The following AGBL4 variants were observed in gnomAD, a reference collection of about 807,000 sequenced individuals.
AGBL4 encodes cytosolic carboxypeptidase 6.
In AGBL4, 58 loss-of-function variants were observed where a neutral mutation model predicts 66.4. That is an observed-to-expected ratio of 0.87 (90% CI 0.71 to 1.09). The LOEUF is 1.09. Ranked by LOEUF, AGBL4 falls within the 50% of genes least tolerant of loss-of-function variation. AGBL4 has a pLI of 0.00. For missense variants in AGBL4, 579 were observed against 631.0 expected (o/e 0.92, Z 0.88); for synonymous variants, 234 against 222.9 (o/e 1.05, Z -0.44).
intron 5 of AGBL4, among the ~76,000 whole-genome samples, chr1:48,933,115 T>G (rs1571033656): frequency 1.3e-5 from 2 of 152,326 alleles, no homozygotes; most frequent in East Asian, 3.9e-4. Context: ...CAGTTCTCCT[T>G]TCTATAAAAT....
At chr1:48,673,471 T>C (rs1024518095) in intron 6 of AGBL4, among the ~76,000 whole-genome samples, 2 of 152,232 alleles carry the variant, frequency 1.3e-5, no homozygotes, top group Non-Finnish European at 2.9e-5. Context: ...TGTATAAAAA[T>C]ACCACTTTCA....
intron 4 of AGBL4, among the ~76,000 whole-genome samples, chr1:49,136,161 A>G (rs535142960): frequency 1.3e-5 from 2 of 152,302 alleles, no homozygotes; most frequent in South Asian, 4.1e-4. Context: ...TGAGCTGCAC[A>G]TGGAAAACAC....
rs60965691 is a variant in AGBL4 at position 49,714,569 on chromosome 1, C to CATATATATATATATAT, written c.158-17148_158-17133dup. Among the ~76,000 whole-genome samples the CATATATATATATATAT allele has an allele frequency of 4.2e-3, 602 of 141,750 alleles. 9 individuals carry two copies. The highest frequency in any genetic ancestry group is 0.015 in the African/African-American group (550 of 36,914). The allele number at this position is 141,750 out of a possible 152,430, so 93.0% of individuals were successfully genotyped here. A position where few individuals can be genotyped will look rare whatever the true frequency, so the allele number is the denominator to read the frequency against. ...GTTTGTTATAGTTGAGTAGTATTTA[C>CATATATATATATATAT]ATATATATATATATATATATATATA... is the stretch of plus-strand genomic sequence containing the variant. On this transcript the variant is annotated intron_variant, in intron 2 of 13. Transcript: ENST00000371839.
chr1:49,451,666 G>A (rs959325314), intron 3 of AGBL4, among the ~76,000 whole-genome samples: 2 of 152,066 alleles, frequency 1.3e-5, no homozygotes, highest in Admixed American at 6.6e-5. Flanking sequence ...TAAAACATGT[G>A]TAACCCTTTA....
intron 3 of AGBL4, among the ~76,000 whole-genome samples, chr1:49,345,401 A>C (rs1645616882): frequency 6.6e-6 from 1 of 152,124 alleles, no homozygotes; most frequent in African/African-American, 2.4e-5. Flanking sequence ...TCATCTTTAA[A>C]GGGCAGTTTA....
chr1:49,379,632 A>G (rs1644550263), intron 3 of AGBL4, among the ~76,000 whole-genome samples: 1 of 152,122 alleles, frequency 6.6e-6, no homozygotes, highest in Non-Finnish European at 1.5e-5. Flanking sequence ...ATCTATTGAG[A>G]TAATCATGTG....
intron 6 of AGBL4, among the ~76,000 whole-genome samples, chr1:48,847,150 A>G (rs1646937485): frequency 6.6e-6 from 1 of 151,852 alleles, no homozygotes; most frequent in Non-Finnish European, 1.5e-5. Flanking sequence ...AAAATACAAA[A>G]TTAGCCAGGC....
chr1:49,071,942 T>C (rs1199307073), intron 4 of AGBL4, among the ~76,000 whole-genome samples: 2 of 152,120 alleles, frequency 1.3e-5, no homozygotes, highest in African/African-American at 4.8e-5. Context: ...ATTGGGTGCA[T>C]ATATATTCAG....
At chr1:48,646,321 CTGTGGATCTT>C (rs1645834164) in intron 8 of AGBL4, among the ~76,000 whole-genome samples, 1 of 152,108 alleles carries the variant, frequency 6.6e-6, no homozygotes, top group Admixed American at 6.5e-5. Flanking sequence ...GCAATACTTG[CTGTGGATCTT>C]TGTTTTCTGT....
At chr1:49,778,259 G>T (rs959785898) in intron 2 of AGBL4, among the ~76,000 whole-genome samples, 2 of 152,092 alleles carry the variant, frequency 1.3e-5, no homozygotes, top group Non-Finnish European at 2.9e-5. Flanking sequence ...ACTAGGTGCT[G>T]CCATCTCCAA....
intron 2 of AGBL4, among the ~76,000 whole-genome samples, chr1:49,825,863 A>C (rs1645495986): frequency 6.6e-6 from 1 of 151,992 alleles, no homozygotes; most frequent in African/African-American, 2.4e-5. Context: ...ATACACACAC[A>C]CACACACACA....
chr1:48,538,978 C>T (rs2148259210), intron 12 of AGBL4, among the ~76,000 whole-genome samples: 1 of 152,250 alleles, frequency 6.6e-6, no homozygotes, highest in African/African-American at 2.4e-5. Flanking sequence ...TGTTCTCATG[C>T]TAGCTGGGTT....
intron 1 of AGBL4, among the ~76,000 whole-genome samples, chr1:50,019,440 A>C (rs983132500): frequency 1.7e-4 from 26 of 151,962 alleles, no homozygotes; most frequent in South Asian, 2.1e-4. Context: ...AGTAGCTGTT[A>C]TTATCCCCAG....
At chr1:49,764,626 G>A (rs1417895671) in intron 2 of AGBL4, among the ~76,000 whole-genome samples, 1 of 152,040 alleles carries the variant, frequency 6.6e-6, no homozygotes, top group Non-Finnish European at 1.5e-5. Flanking sequence ...TCTAGCACCT[G>A]ACCATTTCCT....
intron 5 of AGBL4, among the ~76,000 whole-genome samples, chr1:48,900,500 T>C (rs1317719168): frequency 6.6e-6 from 1 of 152,202 alleles, no homozygotes; most frequent in Non-Finnish European, 1.5e-5. Context: ...ATTATAAACC[T>C]ACAGTAATCA....
chr1:50,016,911 T>C (rs968538134), intron 1 of AGBL4, among the ~76,000 whole-genome samples: 1 of 152,172 alleles, frequency 6.6e-6, no homozygotes, highest in African/African-American at 2.4e-5. Flanking sequence ...AGAACTACCA[T>C]TTGATCTAGC....
intron 6 of AGBL4, among the ~76,000 whole-genome samples, chr1:48,786,449 T>C (rs1645409413): frequency 6.6e-6 from 1 of 152,216 alleles, no homozygotes; most frequent in Admixed American, 6.5e-5. Context: ...CAGAGTTTCC[T>C]GAAGCAACAA....
At chr1:49,498,458 C>G (rs911036215) in intron 3 of AGBL4, among the ~76,000 whole-genome samples, 2 of 151,762 alleles carry the variant, frequency 1.3e-5, no homozygotes, top group African/African-American at 4.8e-5. Context: ...GATTATTTCA[C>G]TTAGCATAAT....
intron 4 of AGBL4, among the ~76,000 whole-genome samples, chr1:49,234,119 T>C (rs975371791): frequency 6.6e-6 from 1 of 152,210 alleles, no homozygotes; most frequent in East Asian, 1.9e-4. Flanking sequence ...TCTGTTCATG[T>C]GGAAGAAATC....
Sources: allele counts gnomAD v4.1 joint callset (sites outside exome capture counted in the v4.1 genomes callset), GRCh38; gene constraint gnomAD v4.1.1; transcripts MANE v1.5; gene names NCBI Gene and HGNC (gene_info 2026-07-23, HGNC 2026-07-21).